The following CYP19A1 variants were observed in gnomAD, a reference collection of about 807,000 sequenced individuals.
CYP19A1 encodes the protein aromatase.
CYP19A1 carries 32 observed loss-of-function variants against 44.4 expected under a neutral mutation model. That is an observed-to-expected ratio of 0.72 (90% confidence interval 0.54 to 0.97). The LOEUF (loss-of-function observed/expected upper bound fraction) is 0.97, where lower values mean the gene tolerates loss of function less well. Among genes scored for constraint, CYP19A1 ranks in the 50% least tolerant of loss-of-function variants. The pLI is 0.00. For synonymous variants in CYP19A1, 212 were observed against 215.6 expected (o/e 0.98, Z 0.14); for missense variants, 598 against 637.8 (o/e 0.94, Z 0.67).
Position 51,210,799 on chromosome 15 carries a change from C to A in CYP19A1, c.*9G>T, listed in dbSNP as rs373757519. On this transcript the variant is annotated 3_prime_UTR_variant, in exon 10 of 10. Transcript: ENST00000396402. Reference sequence around the variant, plus strand: ...GAAATGCTCCAGAGTGGGTACTGACCAGCCTTCTCTAGTGTTCCAGACACC... The same window carrying A: ...GAAATGCTCCAGAGTGGGTACTGACAAGCCTTCTCTAGTGTTCCAGACACC... 6.6e-5 allele frequency: 102 copies of A among 1,548,028 alleles called. No individual in the cohort carries two copies. The highest frequency in any genetic ancestry group is 8.9e-5 in the Non-Finnish European group (100 of 1,119,392).
At chr15:51,233,953 C>T (rs1223360564) in intron 3 of CYP19A1, among the ~76,000 whole-genome samples, 4 of 152,168 alleles carry the variant, frequency 2.6e-5, no homozygotes, top group African/African-American at 9.7e-5. Flanking sequence ...ATCTCAGCAG[C>T]GCACATGCCT....
rs537331127 is a variant in CYP19A1 at position 51,236,759 on chromosome 15, T to A, written c.296+100A>T. 3 of 1,412,950 alleles carry A rather than the reference T, an allele frequency of 2.1e-6. No individual in the cohort carries two copies. The African/African-American group carries it at 4.2e-5, about 20-fold the overall frequency. The allele number at this position is 1,412,950 out of a possible 1,614,324, so 87.5% of individuals were successfully genotyped here. A position where few individuals can be genotyped will look rare whatever the true frequency, so the allele number is the denominator to read the frequency against. ...TCATTTCAGTGGTAAAAATATAGCG[T>A]TAGAAACAAAGACATCAAGATTCAA... is the stretch of plus-strand genomic sequence containing the variant. On this transcript the variant is annotated intron_variant, in intron 3 of 9. Coordinates refer to ENST00000396402, the MANE Select transcript of CYP19A1 (RefSeq NM_000103.4).
intron 6 of CYP19A1, among the ~76,000 whole-genome samples, chr15:51,216,516 G>A (rs998494308): frequency 2.6e-5 from 4 of 152,184 alleles, no homozygotes; most frequent in Non-Finnish European, 5.9e-5. Flanking sequence ...GCCTCCCAAA[G>A]TGCTGGGATT....
intron 1 of CYP19A1, among the ~76,000 whole-genome samples, chr15:51,324,970 A>C (rs2036584664): frequency 6.6e-6 from 1 of 152,232 alleles, no homozygotes; most frequent in South Asian, 2.1e-4. Context: ...AGGATAAATA[A>C]AGAAAATACT....
intron 6 of CYP19A1, 48 bp downstream of exon 6, chr15:51,218,493 A>G (rs2031780942): frequency 1.3e-6 from 2 of 1,574,640 alleles, no homozygotes; most frequent in Non-Finnish European, 1.7e-6. Context: ...CAAGGGAAAA[A>G]AACCAATCCA....
intron 1 of CYP19A1, chr15:51,315,704 A>T (rs1179649279): frequency 2.0e-5 from 3 of 152,096 alleles, no homozygotes; most frequent in African/African-American, 7.2e-5. Flanking sequence ...GCTTCCCTGG[A>T]TCTCCCTTCA....
In CYP19A1 at chr15:51,210,325, C is replaced by T. The variant is rs886051276; in HGVS notation, c.*483G>A. ...GACTATGAATGTTGCTTTTCCACCT[C>T]CACAGAAAACAAAATTAAAGTACTT... On this transcript the variant is annotated 3_prime_UTR_variant, in exon 10 of 10. Coordinates refer to ENST00000396402, the MANE Select transcript of CYP19A1 (RefSeq NM_000103.4). The T allele has an allele frequency of 2.1e-6, 1 of 473,680 alleles. No homozygotes were observed. The highest frequency in any genetic ancestry group is 4.2e-6 in the Non-Finnish European group (1 of 237,320). 29.3% of individuals were successfully genotyped at this position (473,680 alleles called of 1,614,324 possible).
At chr15:51,278,072 C>A (rs193087649) in intron 1 of CYP19A1, 1 of 149,768 alleles carries the variant, frequency 6.7e-6, no homozygotes, top group Non-Finnish European at 1.5e-5. Flanking sequence ...TAATGATGCG[C>A]GGCTGTTTAA....
chr15:51,234,704 C>T (rs537991646), intron 3 of CYP19A1, among the ~76,000 whole-genome samples: 7 of 152,250 alleles, frequency 4.6e-5, no homozygotes, highest in African/African-American at 1.7e-4. Flanking sequence ...CCTCCTGCCC[C>T]ATGAGCTTCC....
chr15:51,223,593 TCACACACACACACACACA>T (rs5812545), intron 4 of CYP19A1, among the ~76,000 whole-genome samples: 3 of 90,212 alleles, frequency 3.3e-5, no homozygotes, highest in South Asian at 1.1e-3. Flanking sequence ...TCTCTCTCTC[TCACACACACACACACACA>T]CACACACACA....
chr15:51,272,835 C>T (rs1469063804), intron 1 of CYP19A1, among the ~76,000 whole-genome samples: 1 of 152,172 alleles, frequency 6.6e-6, no homozygotes, highest in East Asian at 1.9e-4. Flanking sequence ...TGGAGTTTGG[C>T]TGTGACAGTT....
intron 5 of CYP19A1, among the ~76,000 whole-genome samples, chr15:51,219,480 T>C (rs888767436): frequency 1.3e-5 from 2 of 152,228 alleles, no homozygotes; most frequent in African/African-American, 4.8e-5. Flanking sequence ...GCCATGGGCG[T>C]TGTGGTGTCA....
At chr15:51,282,814 G>A (rs1267329185) in intron 1 of CYP19A1, among the ~76,000 whole-genome samples, 1 of 152,202 alleles carries the variant, frequency 6.6e-6, no homozygotes, top group Non-Finnish European at 1.5e-5. Flanking sequence ...GGAAAGCTGA[G>A]GGCTCGGAAG....
At chr15:51,256,031 G>C (rs2034500684) in intron 1 of CYP19A1, among the ~76,000 whole-genome samples, 2 of 152,180 alleles carry the variant, frequency 1.3e-5, no homozygotes, top group Admixed American at 1.3e-4. Flanking sequence ...CATAGAACCA[G>C]ACATTTATTT....
chr15:51,297,817 G>GACACACACACACACACACACACAC lies in CYP19A1; in HGVS notation c.-39+40654_-39+40677dup, dbSNP rs1159870053. 1.9e-4 allele frequency among the ~76,000 whole-genome samples: 21 copies of GACACACACACACACACACACACAC among 111,790 alleles called. 1 individual carries two copies. The highest frequency in any genetic ancestry group is 4.0e-4 in the African/African-American group (11 of 27,174). 73.3% of individuals were successfully genotyped at this position (111,790 alleles called of 152,430 possible). A position where few individuals can be genotyped will look rare whatever the true frequency, so the allele number is the denominator to read the frequency against. ...TTCTGGAGAGATTCACTGTAGGCAT[G>GACACACACACACACACACACACAC]ACACACACACACACACACACACACA... On this transcript the variant is annotated intron_variant, in intron 1 of 9. Coordinates refer to ENST00000396402, the MANE Select transcript of CYP19A1 (RefSeq NM_000103.4).
At chr15:51,214,373 C>A (rs894659046) in intron 8 of CYP19A1, among the ~76,000 whole-genome samples, 2 of 152,018 alleles carry the variant, frequency 1.3e-5, no homozygotes, top group Admixed American at 1.3e-4. Context: ...TTGGAGAAGA[C>A]CTGAGTGTGG....
intron 4 of CYP19A1, among the ~76,000 whole-genome samples, chr15:51,225,681 T>G (rs1215505973): frequency 6.6e-6 from 1 of 152,160 alleles, no homozygotes; most frequent in Non-Finnish European, 1.5e-5. Flanking sequence ...CATCCTAAAT[T>G]TGTCTGGGTC....
At chr15:51,269,852 G>A (rs1167517339) in intron 1 of CYP19A1, among the ~76,000 whole-genome samples, 2 of 152,136 alleles carry the variant, frequency 1.3e-5, no homozygotes, top group African/African-American at 4.8e-5. Flanking sequence ...CTACACTGGG[G>A]ACTGAAAGCT....
chr15:51,216,795 GGTT>G (rs2141046514), intron 6 of CYP19A1, among the ~76,000 whole-genome samples: 1 of 152,282 alleles, frequency 6.6e-6, no homozygotes, highest in South Asian at 2.1e-4. Context: ...TCCTAGTTCA[GGTT>G]GTTCTCTTTC....
Sources: gnomAD v4.1 joint callset for allele counts (sites outside exome capture counted in the v4.1 genomes callset) on GRCh38, gnomAD v4.1.1 for gene constraint, MANE v1.5 for transcripts, NCBI Gene and HGNC (gene_info 2026-07-23, HGNC 2026-07-21) for gene names.